HTR3B: variants seen among roughly 807,000 people sequenced by gnomAD.
The protein encoded by HTR3B is 5-hydroxytryptamine (serotonin) receptor 3B, ionotropic.
Under a neutral mutation model 42.8 loss-of-function variants are expected in HTR3B, and 44 were observed. That is an observed-to-expected ratio of 1.03 (90% CI 0.81 to 1.32). The LOEUF is 1.32. Ranked by LOEUF, HTR3B falls within the 40% of genes most tolerant of loss-of-function variation. The pLI, the probability that HTR3B is intolerant of heterozygous loss-of-function variation, is 0.00. For missense variants in HTR3B, 527 were observed against 536.5 expected, an observed-to-expected ratio of 0.98 and a Z score of 0.17; for synonymous variants, 203 against 209.0, an observed-to-expected ratio of 0.97 and a Z score of 0.25.
At position 113,947,092 on chromosome 11, in the gene HTR3B, C is replaced by A. The variant is rs1453709636; in HGVS notation, c.*955C>A. On this transcript the variant is annotated 3_prime_UTR_variant, in exon 9 of 9. Transcript: ENST00000260191. ...AGCAGTGCATCCCCACTGGAGAGAA[C>A]CCAGGTGCCAAGGCTTCTTTTTTTT... Among the ~76,000 whole-genome samples, 6 of 151,924 alleles carry A rather than the reference C, an allele frequency of 3.9e-5. No homozygotes were observed. The highest frequency in any genetic ancestry group is 1.5e-5 in the Non-Finnish European group (1 of 67,994).
chr11:113,906,817 G>A (rs762632624), intron 1 of HTR3B, among the ~76,000 whole-genome samples: 3 of 152,164 alleles, frequency 2.0e-5, no homozygotes, highest in Non-Finnish European at 4.4e-5. Context: ...GAGCTGTAGA[G>A]TACCTGTCTC....
At chr11:113,900,255 C>A (rs1249058504), upstream of HTR3B, among the ~76,000 whole-genome samples, 1 of 151,902 alleles carries the variant, frequency 6.6e-6, no homozygotes, top group Non-Finnish European at 1.5e-5. Flanking sequence ...AAGACTCCAT[C>A]TCAAAAAAAA....
chr11:113,931,919 G>A (rs142620970), intron 4 of HTR3B, 52 bp downstream of exon 4: 105 of 1,030,380 alleles, frequency 1.0e-4, no homozygotes, highest in Middle Eastern at 4.0e-4. Flanking sequence ...TGGTATAGTC[G>A]GGCCAGTTGC....
At chr11:113,936,991 C>T (rs1412245614) in intron 6 of HTR3B, among the ~76,000 whole-genome samples, 1 of 152,162 alleles carries the variant, frequency 6.6e-6, no homozygotes, top group African/African-American at 2.4e-5. Context: ...TTATTATTAC[C>T]TGGCTTTAAT....
intron 2 of HTR3B, among the ~76,000 whole-genome samples, chr11:113,920,821 AT>A: frequency 6.6e-6 from 1 of 150,770 alleles, no homozygotes; most frequent in Non-Finnish European, 1.5e-5. Context: ...TTTTATTTTT[AT>A]TTTTTTTTGA....
chr11:113,912,052 T>C (rs1949799797), intron 2 of HTR3B, among the ~76,000 whole-genome samples: 4 of 152,246 alleles, frequency 2.6e-5, no homozygotes, highest in Admixed American at 2.6e-4. Context: ...GATTCACTTA[T>C]GTTGCGGTGT....
chr11:113,916,547 A>G (rs185297559), intron 2 of HTR3B, among the ~76,000 whole-genome samples: 1 of 152,272 alleles, frequency 6.6e-6, no homozygotes, highest in Admixed American at 6.5e-5. Context: ...TTGCATTTCC[A>G]TATAAACTTT....
At chr11:113,916,480 G>A (rs914931409) in intron 2 of HTR3B, among the ~76,000 whole-genome samples, 1 of 152,150 alleles carries the variant, frequency 6.6e-6, no homozygotes, top group Non-Finnish European at 1.5e-5. Context: ...ATAAGATAAT[G>A]TGAATCTTCT....
intron 1 of HTR3B, among the ~76,000 whole-genome samples, chr11:113,905,335 T>C (rs971739780): frequency 6.6e-6 from 1 of 152,240 alleles, no homozygotes; most frequent in Non-Finnish European, 1.5e-5. Context: ...TTTGCTTTTA[T>C]GTGTGGATAA....
Position 113,945,972 on chromosome 11 carries a change from T to C in HTR3B, c.1161T>C (p.Ser387=), listed in dbSNP as rs1260345471. The C allele has an allele frequency of 1.2e-6, 2 of 1,614,018 alleles. No individual in the cohort carries two copies. Among genetic ancestry groups the C allele is most frequent in the African/African-American group, 2.7e-5 (2 of 74,914 alleles). ...TLKEVWSQLQ[S]ISNYLQTQDQ... The stretch of plus-strand genomic sequence containing the variant: ...AGGAAGTCTGGTCGCAGCTTCAATC[T>C]ATCAGCAACTACCTCCAAACTCAGG... The change falls in exon 9 of 9, where the codon TCT becomes TCC. Residue 387 remains serine, a synonymous_variant. Transcript: ENST00000260191.
chr11:113,935,387 A>G (rs1355875031), intron 6 of HTR3B, among the ~76,000 whole-genome samples: 2 of 129,684 alleles, frequency 1.5e-5, no homozygotes, highest in Admixed American at 1.5e-4. Flanking sequence ...GACGTGGGTT[A>G]TCTAGCAGGG....
chr11:113,905,218 A>C (rs1949726314), intron 1 of HTR3B, among the ~76,000 whole-genome samples: 1 of 152,220 alleles, frequency 6.6e-6, no homozygotes, highest in African/African-American at 2.4e-5. Flanking sequence ...TTTTACACAT[A>C]GCTGAAAATA....
intron 2 of HTR3B, among the ~76,000 whole-genome samples, chr11:113,927,968 A>G (rs1949993000): frequency 6.6e-6 from 1 of 152,130 alleles, no homozygotes; most frequent in Non-Finnish European, 1.5e-5. Context: ...TGCTGCACCT[A>G]TCAACCCATC....
At chr11:113,903,968 T>A (rs1949715504), upstream of HTR3B, among the ~76,000 whole-genome samples, 1 of 152,202 alleles carries the variant, frequency 6.6e-6, no homozygotes, top group African/African-American at 2.4e-5. Flanking sequence ...AGGAATCAAA[T>A]ATATACTTTC....
At chr11:113,918,164 T>A (rs139912842) in intron 2 of HTR3B, among the ~76,000 whole-genome samples, 231 of 152,210 alleles carry the variant, frequency 1.5e-3, no homozygotes, top group Non-Finnish European at 2.5e-3. Flanking sequence ...TCTCTCATAC[T>A]GTTAACATCT....
At chr11:113,908,452 T>G (rs1949750840) in intron 1 of HTR3B, among the ~76,000 whole-genome samples, 1 of 152,180 alleles carries the variant, frequency 6.6e-6, no homozygotes, top group South Asian at 2.1e-4. Context: ...TGCAATTTGC[T>G]TCGGTCCAAT....
chr11:113,936,925 G>A (rs983378200), intron 6 of HTR3B, among the ~76,000 whole-genome samples: 8 of 152,106 alleles, frequency 5.3e-5, no homozygotes, highest in African/African-American at 1.4e-4. Context: ...ACACACATTC[G>A]GAATTAGATT....
chr11:113,918,479 G>T (rs1949878799), intron 2 of HTR3B, among the ~76,000 whole-genome samples: 1 of 151,950 alleles, frequency 6.6e-6, no homozygotes, highest in Non-Finnish European at 1.5e-5. Flanking sequence ...GCTATTTCAA[G>T]AATATTATAT....
chr11:113,933,233 TCC>T, intron 6 of HTR3B, 140 bp downstream of exon 6: 3 of 760,050 alleles, frequency 3.9e-6, no homozygotes, highest in Non-Finnish European at 4.1e-6. Flanking sequence ...GCTCTGAGCA[TCC>T]ACCTGCATTC....
Sources: gnomAD v4.1 joint callset for allele counts (sites outside exome capture counted in the v4.1 genomes callset) on GRCh38, gnomAD v4.1.1 for gene constraint, MANE v1.5 for transcripts, NCBI Gene and HGNC (gene_info 2026-07-23, HGNC 2026-07-21) for gene names.